Variants in CERT1 observed in about 807,000 individuals in gnomAD.
CERT1 encodes the protein ceramide transfer protein.
Under a neutral mutation model 87.9 loss-of-function variants are expected in CERT1, and 31 were observed. The ratio of observed to expected loss-of-function variants is 0.35; its 90% CI spans 0.27 to 0.48. The LOEUF is 0.48. Among genes scored for constraint, CERT1 ranks in the 20% least tolerant of loss-of-function variants. The pLI is 0.99. For missense variants in CERT1, 487 were observed against 758.0 expected (o/e 0.64, Z 4.20); for synonymous variants, 289 against 250.9 (o/e 1.15, Z -1.44).
intron 2 of CERT1, among the ~76,000 whole-genome samples, chr5:75,475,366 T>G (rs1026175551): frequency 6.6e-6 from 1 of 152,094 alleles, no homozygotes; most frequent in African/African-American, 2.4e-5. Context: ...AGCACCAAAT[T>G]TAGTGTAATG....
intron 7 of CERT1, among the ~76,000 whole-genome samples, chr5:75,412,751 C>CAA (rs1459195487): frequency 6.6e-6 from 1 of 152,132 alleles, no homozygotes; most frequent in African/African-American, 2.4e-5. Context: ...AGTATACTTG[C>CAA]ACAGGGCACT....
chr5:75,394,733 AAAAAT>A (rs1438337172), intron 11 of CERT1, among the ~76,000 whole-genome samples: 1 of 152,140 alleles, frequency 6.6e-6, no homozygotes, highest in Non-Finnish European at 1.5e-5. Flanking sequence ...CAAAATTAAT[AAAAAT>A]AAAATAAAAT....
intron 2 of CERT1, among the ~76,000 whole-genome samples, chr5:75,486,779 A>C (rs903482258): frequency 5.3e-5 from 8 of 152,072 alleles, no homozygotes; most frequent in African/African-American, 1.9e-4. Context: ...TAACCAAAGA[A>C]GTGAAAGATC....
At position 75,457,905 on chromosome 5, in the gene CERT1, C is replaced by T. The variant is rs540758089; in HGVS notation, c.348+1160G>A. ...TTTTTCTTGGGTGTATGGGTATAGG[C>T]GCGCGTGTGTGTGTGTGTGTGGTGT... is the stretch of plus-strand genomic sequence containing the variant. On this transcript the variant is annotated intron_variant, in intron 3 of 16. Coordinates refer to ENST00000643780, the MANE Select transcript of CERT1 (RefSeq NM_001379029.1). 8.0e-4 allele frequency among the ~76,000 whole-genome samples: 114 copies of T among 141,802 alleles called. 1 individual carries two copies. The highest frequency in any genetic ancestry group is 2.8e-3 in the African/African-American group (107 of 37,984). The allele number at this position is 141,802 out of a possible 152,430, so 93.0% of individuals were successfully genotyped here. A position where few individuals can be genotyped will look rare whatever the true frequency, so the allele number is the denominator to read the frequency against.
At chr5:75,492,487 C>T (rs2112431999) in intron 2 of CERT1, among the ~76,000 whole-genome samples, 1 of 152,156 alleles carries the variant, frequency 6.6e-6, no homozygotes, top group South Asian at 2.1e-4. Flanking sequence ...CTTTTGATAC[C>T]AGAGGAGGAA....
At chr5:75,429,183 A>ATAG (rs1210242144) in intron 3 of CERT1, among the ~76,000 whole-genome samples, 6 of 146,686 alleles carry the variant, frequency 4.1e-5, no homozygotes, top group Admixed American at 2.1e-4. Flanking sequence ...CTGAATAATA[A>ATAG]TAATAATAAT....
At chr5:75,457,020 A>T (rs1485928115) in intron 3 of CERT1, among the ~76,000 whole-genome samples, 15 of 152,248 alleles carry the variant, frequency 9.9e-5, no homozygotes, top group Admixed American at 9.8e-4. Context: ...CAACTGATTA[A>T]GCCCTTAAAG....
At chr5:75,454,424 C>T (rs1235440297) in intron 3 of CERT1, among the ~76,000 whole-genome samples, 3 of 152,106 alleles carry the variant, frequency 2.0e-5, no homozygotes, top group Admixed American at 6.5e-5. Context: ...CTGTTTATAT[C>T]TATTTTAGAC....
chr5:75,390,819 C>T (rs111872210), intron 11 of CERT1, among the ~76,000 whole-genome samples: 62 of 152,214 alleles, frequency 4.1e-4, no homozygotes, highest in African/African-American at 8.9e-4. Flanking sequence ...CCCCCCTACC[C>T]GCCAGAGACA....
intron 3 of CERT1, among the ~76,000 whole-genome samples, chr5:75,435,215 G>A (rs1215463376): frequency 6.6e-6 from 1 of 152,160 alleles, no homozygotes; most frequent in Non-Finnish European, 1.5e-5. Context: ...CTTCAGCTTG[G>A]TCTTTTCTGC....
At chr5:75,413,628 A>C (rs1357672145) in intron 7 of CERT1, among the ~76,000 whole-genome samples, 1 of 152,042 alleles carries the variant, frequency 6.6e-6, no homozygotes, top group Non-Finnish European at 1.5e-5. Flanking sequence ...CTCTCAAAAA[A>C]AGAAAGACTG....
intron 11 of CERT1, among the ~76,000 whole-genome samples, chr5:75,398,089 A>G (rs1486609183): frequency 6.6e-6 from 1 of 152,192 alleles, no homozygotes; most frequent in Admixed American, 6.5e-5. Flanking sequence ...ACTGTGGTAT[A>G]TTTGGTTATG....
rs1761420489 is a variant in CERT1, at chr5:75,378,560, A to G, written c.*786T>C. On this transcript the variant is annotated 3_prime_UTR_variant, in exon 17 of 17. Coordinates refer to ENST00000643780, the MANE Select transcript of CERT1 (RefSeq NM_001379029.1). ...ATAAATTCTGCAACATGCATGTAAC[A>G]GATGTTAAAAGAATGAGATGTTTTA... is the stretch of plus-strand genomic sequence containing the variant. 6.6e-6 allele frequency: 1 copy of G among 152,226 alleles called. No individual in the cohort carries two copies. The highest frequency in any genetic ancestry group is 2.1e-4 in the South Asian group (1 of 4,832). 9.4% of individuals were successfully genotyped at this position (152,226 alleles called of 1,614,324 possible).
intron 1 of CERT1, among the ~76,000 whole-genome samples, chr5:75,509,678 G>C (rs961566518): frequency 6.6e-6 from 1 of 151,728 alleles, no homozygotes; most frequent in Non-Finnish European, 1.5e-5. Flanking sequence ...AATTTGTTTC[G>C]TAAAATACTT....
intron 12 of CERT1, among the ~76,000 whole-genome samples, chr5:75,387,724 A>T (rs1424013865): frequency 6.6e-6 from 1 of 151,804 alleles, no homozygotes; most frequent in African/African-American, 2.4e-5. Flanking sequence ...CCTGGGTGAC[A>T]AGAGCAAAAC....
chr5:75,409,900 G>A (rs1010862745), intron 8 of CERT1, among the ~76,000 whole-genome samples: 6 of 150,758 alleles, frequency 4.0e-5, no homozygotes, highest in South Asian at 2.1e-4. Flanking sequence ...TGGTGCAATC[G>A]TAGCTCACTG....
chr5:75,379,403 T>C lies in CERT1; in HGVS notation c.1818A>G (p.Leu606=). 6.2e-7 allele frequency: 1 copy of C among 1,613,972 alleles called. No individual in the cohort carries two copies. Among genetic ancestry groups the C allele is most frequent in the Non-Finnish European group, 8.5e-7 (1 of 1,179,874 alleles). Residue 606 remains leucine (L), a synonymous_variant, in exon 17 of 17, where the codon CTA becomes CTG. Coordinates refer to ENST00000643780, the MANE Select transcript of CERT1 (RefSeq NM_001379029.1). ...CTTGGACGTAAGAAGTAAAACGTTT[T>C]AGAAATTTAGGATACTCTCGCTTTG... is the stretch of plus-strand genomic sequence containing the variant. ...AVAKREYPKF[L]KRFTSYVQEK...
intron 14 of CERT1, among the ~76,000 whole-genome samples, chr5:75,384,391 G>C (rs993286666): frequency 6.6e-6 from 1 of 152,090 alleles, no homozygotes; most frequent in African/African-American, 2.4e-5. Context: ...AGTGCACAAA[G>C]GGAACTAACC....
intron 2 of CERT1, among the ~76,000 whole-genome samples, chr5:75,483,967 A>AT (rs893088162): frequency 2.0e-5 from 3 of 152,160 alleles, no homozygotes. Flanking sequence ...TAAACTACTC[A>AT]TATCTTGAGT....
Sources: gnomAD v4.1 joint callset for allele counts (sites outside exome capture counted in the v4.1 genomes callset) on GRCh38, gnomAD v4.1.1 for gene constraint, MANE v1.5 for transcripts, NCBI Gene and HGNC (gene_info 2026-07-23, HGNC 2026-07-21) for gene names.